The following PCDHGC3 variants were observed in gnomAD, a reference collection of about 807,000 sequenced individuals.
The protein encoded by PCDHGC3 is protocadherin gamma-C3.
PCDHGC3 carries 26 observed loss-of-function variants against 59.2 expected under a neutral mutation model. The ratio of observed to expected loss-of-function variants is 0.44; its 90% CI spans 0.32 to 0.61. The LOEUF (loss-of-function observed/expected upper bound fraction) is 0.61, where lower values mean the gene tolerates loss of function less well. PCDHGC3 is among the 20% of genes least tolerant of loss of function. The pLI, the probability that PCDHGC3 is intolerant of heterozygous loss-of-function variation, is 0.05. For synonymous variants in PCDHGC3, 487 were observed against 519.7 expected (o/e 0.94, Z 0.86); for missense variants, 1,080 against 1,221.8 (o/e 0.88, Z 1.73).
At chr5:141,505,983 C>G (rs1235662535) in intron 3 of PCDHGC3, among the ~76,000 whole-genome samples, 1 of 152,148 alleles carries the variant, frequency 6.6e-6, no homozygotes, top group Non-Finnish European at 1.5e-5. Context: ...GAGAGAACAC[C>G]TCCTCTTTAT....
chr5:141,485,601 G>T lies in PCDHGC3; in HGVS notation c.2430+7055G>T, dbSNP rs762783104. On this transcript the variant is annotated intron_variant, in intron 1 of 3. Transcript: ENST00000308177. The surrounding 1 kb of genome is among the most constrained non-coding windows in gnomAD (Gnocchi z 5.7). ...CGGCAGCAGCTGGACTTGGAAATTG[G>T]GGAGGCAGCTCCTCCAGGACAGCGT... The T allele has an allele frequency of 3.1e-6, 5 of 1,612,290 alleles. No individual in the cohort carries two copies. Among genetic ancestry groups the T allele is most frequent in the Non-Finnish European group, 4.2e-6 (5 of 1,178,722 alleles).
intron 3 of PCDHGC3, 110 bp from the exon 4 acceptor site, chr5:141,510,837 G>A (rs969654751): frequency 1.3e-6 from 2 of 1,586,392 alleles, no homozygotes; most frequent in Non-Finnish European, 8.6e-7. Context: ...GCTCAGCGTG[G>A]TCAAGGCCCA....
chr5:141,502,446 C>T (rs541278139), intron 2 of PCDHGC3, among the ~76,000 whole-genome samples: 1 of 152,098 alleles, frequency 6.6e-6, no homozygotes, highest in South Asian at 2.1e-4. Context: ...ATTCAGATTA[C>T]ACACCTTGGT....
chr5:141,509,155 C>G (rs981661695), intron 3 of PCDHGC3, among the ~76,000 whole-genome samples: 3 of 152,202 alleles, frequency 2.0e-5, no homozygotes, highest in Non-Finnish European at 4.4e-5. Flanking sequence ...GCTCTCCCCT[C>G]CCGTGTGCCC....
intron 2 of PCDHGC3, among the ~76,000 whole-genome samples, chr5:141,502,478 A>G (rs2099814452): frequency 6.6e-6 from 1 of 150,896 alleles, no homozygotes; most frequent in Non-Finnish European, 1.5e-5. Flanking sequence ...CCGCAGCATC[A>G]CACTGGGACT....
chr5:141,507,796 G>GGGAA (rs2099863457), intron 3 of PCDHGC3, among the ~76,000 whole-genome samples: 1 of 152,220 alleles, frequency 6.6e-6, no homozygotes, highest in Admixed American at 6.5e-5. Flanking sequence ...GTCTAAGCCT[G>GGGAA]CGCCCTGGGG....
rs1253223100 is a variant in PCDHGC3 at position 141,493,049 on chromosome 5, T to C, written c.2431-1758T>C. Among the ~76,000 whole-genome samples the C allele has an allele frequency of 6.6e-6, 1 of 152,188 alleles. No homozygotes were observed. Among genetic ancestry groups the C allele is most frequent in the Non-Finnish European group, 1.5e-5 (1 of 68,032 alleles). Reference sequence around the variant, plus strand: ...GCCCTTATGTGTGAGGAAACTACAATAGTAAAAAACACAAGTTTCTCCAAC... The same window carrying C: ...GCCCTTATGTGTGAGGAAACTACAACAGTAAAAAACACAAGTTTCTCCAAC... On this transcript the variant is annotated intron_variant, in intron 1 of 3. Transcript: ENST00000308177. This position sits in a 1 kb window ranked among gnomAD's most constrained non-coding sequence, Gnocchi z 4.3.
chr5:141,498,994 AAGG>A (rs1310594976), intron 2 of PCDHGC3, among the ~76,000 whole-genome samples: 4 of 148,560 alleles, frequency 2.7e-5, no homozygotes, highest in Non-Finnish European at 4.5e-5. Flanking sequence ...GGAAGGAAGG[AAGG>A]AAGGAAGGAA....
rs1405589878 is a variant in PCDHGC3 at position 141,504,323 on chromosome 5, T to A, written c.2490-1070T>A. On this transcript the variant is annotated intron_variant, in intron 2 of 3. Transcript: ENST00000308177. ...CACTCGGAGTTTCTAAAAGTCTCAC[T>A]TAGGTCCAAGTGCTAGGCTTTGTGC... Among the ~76,000 whole-genome samples, 4 of 152,114 alleles carry A rather than the reference T, an allele frequency of 2.6e-5. No individual in the cohort carries two copies. In the East Asian group the frequency reaches 7.7e-4, roughly 29 times the overall value.
rs189767695 is a variant in PCDHGC3, at chr5:141,497,247, T to C, written c.2489+2382T>C. Among the ~76,000 whole-genome samples the C allele has an allele frequency of 2.0e-5, 3 of 151,456 alleles. No individual in the cohort carries two copies. The East Asian group carries it at 5.8e-4, about 29-fold the overall frequency. ...ATCAGAGAAGGCTTCTAGGAGGAGGTGACATTGAGAAGTTCTAGGCCATTT... is the reference window on the plus strand; with the variant it reads ...ATCAGAGAAGGCTTCTAGGAGGAGGCGACATTGAGAAGTTCTAGGCCATTT... On this transcript the variant is annotated intron_variant, in intron 2 of 3. Transcript: ENST00000308177.
At chr5:141,505,123 C>T (rs1320836386) in intron 2 of PCDHGC3, among the ~76,000 whole-genome samples, 1 of 152,192 alleles carries the variant, frequency 6.6e-6, no homozygotes, top group African/African-American at 2.4e-5. Flanking sequence ...GATCGCGCCA[C>T]TGCACTCCAG....
intron 2 of PCDHGC3, among the ~76,000 whole-genome samples, chr5:141,500,881 T>G (rs940387787): frequency 1.0e-5 from 1 of 99,136 alleles, no homozygotes; most frequent in Non-Finnish European, 1.9e-5. Context: ...TTTACAATTT[T>G]TTTTTTTTGA....
chr5:141,511,428 G>T lies in PCDHGC3; in HGVS notation c.*255G>T. 1 of 769,024 alleles carries T rather than the reference G, an allele frequency of 1.3e-6. No homozygotes were observed. The highest frequency in any genetic ancestry group is 2.0e-6 in the Non-Finnish European group (1 of 504,448). 47.6% of individuals were successfully genotyped at this position (769,024 alleles called of 1,614,324 possible). ...ACTGCTGTACCCATGGGGGTAGTGG[G>T]GTTACTGTAGACACCAAGAACCATT... On this transcript the variant is annotated 3_prime_UTR_variant, in exon 4 of 4. Transcript: ENST00000308177.
rs759220286 is a variant in PCDHGC3 at position 141,490,018 on chromosome 5, C to G, written c.2431-4789C>G. The G allele has an allele frequency of 6.2e-7, 1 of 1,614,252 alleles. No individual in the cohort carries two copies. Among genetic ancestry groups the G allele is most frequent in the Non-Finnish European group, 8.5e-7 (1 of 1,180,038 alleles). ...CCCAGAGAATGCACCCATTGGTACTCTGCTGCTCCGCCTCAATGCCACTGA... is the reference window on the plus strand; with the variant it reads ...CCCAGAGAATGCACCCATTGGTACTGTGCTGCTCCGCCTCAATGCCACTGA... On this transcript the variant is annotated intron_variant, in intron 1 of 3. Transcript: ENST00000308177. This position sits in a 1 kb window ranked among gnomAD's most constrained non-coding sequence, Gnocchi z 5.4.
Position 141,489,902 on chromosome 5 carries a change from C to A in PCDHGC3, c.2431-4905C>A. ...ACTGCTGTGGATGGGGGGACCCCAGCCCGCTCAGGGACCACCCTTATCTCT... is the reference window on the plus strand; with the variant it reads ...ACTGCTGTGGATGGGGGGACCCCAGACCGCTCAGGGACCACCCTTATCTCT... On this transcript the variant is annotated intron_variant, in intron 1 of 3. Transcript: ENST00000308177. The surrounding 1 kb of genome is among the most constrained non-coding windows in gnomAD (Gnocchi z 4.5). 1 of 1,614,218 alleles carries A rather than the reference C, an allele frequency of 6.2e-7. No individual in the cohort carries two copies. The highest frequency in any genetic ancestry group is 8.5e-7 in the Non-Finnish European group (1 of 1,180,032).
rs1340366910 is a variant in PCDHGC3 at position 141,490,965 on chromosome 5, C to T, written c.2431-3842C>T. The T allele has an allele frequency of 2.5e-6, 4 of 1,613,738 alleles. No homozygotes were observed. The highest frequency in any genetic ancestry group is 2.7e-5 in the African/African-American group (2 of 74,934). On this transcript the variant is annotated intron_variant, in intron 1 of 3. Transcript: ENST00000308177. This position sits in a 1 kb window ranked among gnomAD's most constrained non-coding sequence, Gnocchi z 5.4. Reference sequence around the variant, plus strand: ...CACGGCCAGACTGGGAACACTCAGCCCCCCAGCGTCTCCCTCGCTCTGCTC... The same window carrying T: ...CACGGCCAGACTGGGAACACTCAGCTCCCCAGCGTCTCCCTCGCTCTGCTC...
At chr5:141,483,258 T>G (rs2099579023) in intron 1 of PCDHGC3, among the ~76,000 whole-genome samples, 1 of 137,930 alleles carries the variant, frequency 7.3e-6, no homozygotes, top group South Asian at 2.1e-4. Flanking sequence ...TCATGAGGTT[T>G]TTTTGTTTTA....
Position 141,483,381 on chromosome 5 carries a change from G to T in PCDHGC3, c.2430+4835G>T, listed in dbSNP as rs147887550. ...AAGCTATTGCAATATTTGAAGAGAA[G>T]ATTGATAAATGCTTGAACCAGCACA... On this transcript the variant is annotated intron_variant, in intron 1 of 3. Transcript: ENST00000308177. 2.0e-3 allele frequency among the ~76,000 whole-genome samples: 305 copies of T among 152,292 alleles called. 2 individuals are homozygous for T. Among genetic ancestry groups the T allele is most frequent in the African/African-American group, 6.9e-3 (286 of 41,558 alleles).
At position 141,485,049 on chromosome 5, in the gene PCDHGC3, G is replaced by A; in HGVS notation, c.2430+6503G>A. The A allele has an allele frequency of 1.3e-6, 1 of 780,438 alleles. No individual in the cohort carries two copies. 48.3% of individuals were successfully genotyped at this position (780,438 alleles called of 1,614,324 possible). ...AACGGCGCGTAACCCTTGCGGCGCC[G>A]GCCGAACCGCGCCAGAGCTGGCGCG... On this transcript the variant is annotated intron_variant, in intron 1 of 3. Coordinates refer to ENST00000308177, the MANE Select transcript of PCDHGC3 (RefSeq NM_002588.4). This position sits in a 1 kb window ranked among gnomAD's most constrained non-coding sequence, Gnocchi z 5.7.
Sources: allele counts gnomAD v4.1 joint callset (sites outside exome capture counted in the v4.1 genomes callset), GRCh38; gene constraint gnomAD v4.1.1; non-coding constraint Gnocchi (gnomAD v3.1); transcripts MANE v1.5; gene names NCBI Gene and HGNC (gene_info 2026-07-23, HGNC 2026-07-21).